Variants in PTPRD observed in about 807,000 individuals in gnomAD.
PTPRD encodes the protein receptor-type tyrosine-protein phosphatase delta.
PTPRD carries 34 observed loss-of-function variants against 214.5 expected under a neutral mutation model. The ratio of observed to expected loss-of-function variants is 0.16; its 90% CI spans 0.12 to 0.21. The LOEUF is 0.21. PTPRD is among the 10% of genes least tolerant of loss of function. The pLI, the probability that PTPRD is intolerant of heterozygous loss-of-function variation, is 1.00. For missense variants in PTPRD, 2,545 were observed against 2,398.7 expected, an observed-to-expected ratio of 1.06 and a Z score of -1.27; for synonymous variants, 1,128 against 845.7, an observed-to-expected ratio of 1.33 and a Z score of -5.79.
intron 3 of PTPRD, among the ~76,000 whole-genome samples, chr9:10,148,571 G>C (rs988496188): frequency 1.3e-5 from 2 of 152,166 alleles, no homozygotes; most frequent in Admixed American, 1.3e-4. Flanking sequence ...ATTCAAGGAA[G>C]AGGTCAAAAT....
At chr9:8,948,108 C>A (rs1588645320) in intron 11 of PTPRD, among the ~76,000 whole-genome samples, 1 of 150,400 alleles carries the variant, frequency 6.6e-6, no homozygotes, top group East Asian at 2.0e-4. Context: ...CAACCTCTGC[C>A]TCCTGGGTTC....
rs5896320 is a variant in PTPRD, at chr9:9,354,522, A to AT, written c.-203+42926dup. ...TTTCAAATGAATTTTAAAAACCTAC[A>AT]TTTTTTTTTGTGGTAGGCTCTCTCC... is the stretch of plus-strand genomic sequence containing the variant. On this transcript the variant is annotated intron_variant, in intron 9 of 45. Coordinates refer to ENST00000381196, the MANE Select transcript of PTPRD (RefSeq NM_002839.4). 9.9e-3 allele frequency among the ~76,000 whole-genome samples: 1,495 copies of AT among 151,016 alleles called. 17 individuals are homozygous for AT. The highest frequency in any genetic ancestry group is 0.033 in the African/African-American group (1,345 of 41,268).
rs183882510 is a variant in PTPRD, at chr9:9,531,916, C to T, written c.-237+42816G>A. ...GTATAGATACATGTAGATATTAATG[C>T]CTTGATATAAATCTATTACTGATAT... On this transcript the variant is annotated intron_variant, in intron 8 of 45. Transcript: ENST00000381196. 1.9e-3 allele frequency among the ~76,000 whole-genome samples: 287 copies of T among 151,638 alleles called. 2 individuals carry two copies. The highest frequency in any genetic ancestry group is 6.6e-3 in the African/African-American group (271 of 41,360).
At chr9:10,266,130 C>T (rs1234483055) in intron 3 of PTPRD, among the ~76,000 whole-genome samples, 1 of 152,072 alleles carries the variant, frequency 6.6e-6, no homozygotes, top group Non-Finnish European at 1.5e-5. Flanking sequence ...CACATGTGGA[C>T]AGACACACAC....
At chr9:10,418,534 G>C (rs1282544584) in intron 2 of PTPRD, among the ~76,000 whole-genome samples, 1 of 147,952 alleles carries the variant, frequency 6.8e-6, no homozygotes. Flanking sequence ...TTTCTCCATA[G>C]CATTTATCAC....
rs553996053 is a variant in PTPRD, at chr9:9,577,315, G to T, written c.-286-2534C>A. 2.0e-5 allele frequency among the ~76,000 whole-genome samples: 3 copies of T among 152,292 alleles called. No individual in the cohort carries two copies. The East Asian group carries it at 5.8e-4, about 29-fold the overall frequency. On this transcript the variant is annotated intron_variant, in intron 7 of 45. Coordinates refer to ENST00000381196, the MANE Select transcript of PTPRD (RefSeq NM_002839.4). ...ATGGTGGCTAATGTCTGTAACCTCA[G>T]CACTTTGGGAGGCTGAGGCAAGCAG... is the stretch of plus-strand genomic sequence containing the variant.
chr9:8,726,026 G>GACAGACACACACAC (rs1416841611), intron 12 of PTPRD, among the ~76,000 whole-genome samples: 13 of 139,512 alleles, frequency 9.3e-5, no homozygotes, highest in African/African-American at 3.7e-4. Context: ...CAGACAGACA[G>GACAGACACACACAC]ACACACACAC....
chr9:8,341,406 A>G, intron 40 of PTPRD, 138 bp from the exon 41 acceptor site: 1 of 930,030 alleles, frequency 1.1e-6, no homozygotes, highest in East Asian at 2.6e-5. Flanking sequence ...TTCAAATTGT[A>G]CTGCTTTTCA....
intron 3 of PTPRD, among the ~76,000 whole-genome samples, chr9:10,098,323 T>C (rs1289774865): frequency 8.3e-6 from 1 of 119,800 alleles, no homozygotes. Context: ...AAGGGGAACA[T>C]CACACACCAG....
At chr9:10,264,532 G>T (rs746345401) in intron 3 of PTPRD, among the ~76,000 whole-genome samples, 5 of 152,084 alleles carry the variant, frequency 3.3e-5, no homozygotes, top group Non-Finnish European at 7.4e-5. Flanking sequence ...CTTTGTTTTG[G>T]CCATTCTCTC....
intron 39 of PTPRD, among the ~76,000 whole-genome samples, chr9:8,360,949 C>A (rs188627434): frequency 1.3e-5 from 2 of 152,128 alleles, no homozygotes; most frequent in Non-Finnish European, 2.9e-5. Context: ...AATTAATAAT[C>A]CATGATTCAA....
chr9:10,498,004 G>T (rs1458536643), intron 2 of PTPRD, among the ~76,000 whole-genome samples: 1 of 151,908 alleles, frequency 6.6e-6, no homozygotes, highest in Non-Finnish European at 1.5e-5. Context: ...CTAAAAGAAG[G>T]TCATGACTTC....
At chr9:9,551,062 C>T (rs1001281871) in intron 8 of PTPRD, among the ~76,000 whole-genome samples, 45 of 151,842 alleles carry the variant, frequency 3.0e-4, no homozygotes, top group African/African-American at 1.1e-3. Context: ...CATGTAAATA[C>T]TACATGACCC....
intron 10 of PTPRD, among the ~76,000 whole-genome samples, chr9:9,155,440 G>A (rs1402774467): frequency 1.3e-5 from 2 of 152,088 alleles, no homozygotes; most frequent in Non-Finnish European, 2.9e-5. Context: ...TGGGATTAAT[G>A]TTCTCAGAAA....
intron 3 of PTPRD, among the ~76,000 whole-genome samples, chr9:10,110,007 A>T (rs537297767): frequency 1.3e-5 from 2 of 152,178 alleles, no homozygotes; most frequent in Admixed American, 1.3e-4. Context: ...TCTTTTCTCA[A>T]AGATGATGTC....
intron 39 of PTPRD, 114 bp downstream of exon 39, chr9:8,375,822 G>A: frequency 1.6e-6 from 2 of 1,266,750 alleles, no homozygotes; most frequent in South Asian, 1.6e-5. Flanking sequence ...AAAGAGAGCT[G>A]TATTATTTAT....
intron 36 of PTPRD, among the ~76,000 whole-genome samples, chr9:8,394,136 C>T (rs1297653410): frequency 1.3e-5 from 2 of 151,418 alleles, no homozygotes; most frequent in African/African-American, 4.9e-5. Context: ...TGGATACAGA[C>T]TTTGAATAAT....
At chr9:9,872,547 G>C (rs1034772721) in intron 5 of PTPRD, among the ~76,000 whole-genome samples, 1 of 152,044 alleles carries the variant, frequency 6.6e-6, no homozygotes, top group Non-Finnish European at 1.5e-5. Context: ...GCTATAGTGA[G>C]TCACTGTACT....
At chr9:8,612,795 C>A (rs1423912466) in intron 14 of PTPRD, among the ~76,000 whole-genome samples, 1 of 152,156 alleles carries the variant, frequency 6.6e-6, no homozygotes, top group Non-Finnish European at 1.5e-5. Context: ...CAGTAGAGAA[C>A]AATGAAGACA....
Sources: gnomAD v4.1 joint callset for allele counts (sites outside exome capture counted in the v4.1 genomes callset) on GRCh38, gnomAD v4.1.1 for gene constraint, MANE v1.5 for transcripts, NCBI Gene and HGNC (gene_info 2026-07-23, HGNC 2026-07-21) for gene names.